SLC38A6: variants seen among roughly 807,000 people sequenced by gnomAD.
SLC38A6 encodes N system amino acid transporter NAT-1.
SLC38A6 carries 73 observed loss-of-function variants against 65.0 expected under a neutral mutation model. The ratio of observed to expected loss-of-function variants is 1.12; its 90% confidence interval spans 0.93 to 1.37. SLC38A6 has a LOEUF of 1.37. Among genes scored for constraint, SLC38A6 ranks in the 40% most tolerant of loss-of-function variants. The pLI is 0.00. For synonymous variants in SLC38A6, 183 were observed against 178.8 expected, an observed-to-expected ratio of 1.02 and a Z score of -0.19; for missense variants, 561 against 531.1, an observed-to-expected ratio of 1.06 and a Z score of -0.55.
chr14:61,037,033 C>A (rs1194854349), intron 6 of SLC38A6, 26 bp from the exon 7 acceptor site: 4 of 1,470,214 alleles, frequency 2.7e-6, no homozygotes, highest in Admixed American at 3.4e-5. Context: ...AGTCCCATGC[C>A]TAAAGTAGAA....
chr14:60,983,218 A>G (rs1414207076), intron 2 of SLC38A6, among the ~76,000 whole-genome samples: 1 of 152,210 alleles, frequency 6.6e-6, no homozygotes, highest in Non-Finnish European at 1.5e-5. Context: ...TTGGAAATTA[A>G]TGTTCCCACT....
chr14:61,004,335 C>CA (rs369150006), intron 3 of SLC38A6: 5 of 152,182 alleles, frequency 3.3e-5, no homozygotes, highest in African/African-American at 9.6e-5. Context: ...TGCTCACTGA[C>CA]AGAGAAACTG....
intron 6 of SLC38A6, among the ~76,000 whole-genome samples, chr14:61,032,961 T>C (rs1434235794): frequency 6.6e-6 from 1 of 151,986 alleles, no homozygotes; most frequent in Non-Finnish European, 1.5e-5. Context: ...TTTATAAAGA[T>C]ATCAGAATGA....
At position 61,052,377 on chromosome 14, in the gene SLC38A6, T is replaced by C; in HGVS notation, c.1319T>C (p.Leu440Ser). 6.3e-7 allele frequency: 1 copy of C among 1,595,660 alleles called. No homozygotes were observed. Among genetic ancestry groups the C allele is most frequent in the Non-Finnish European group, 8.5e-7 (1 of 1,172,930 alleles). ...GAFVLLIFGI[L>S]VGNFSLALII... ...TTCGTTTTGCTCATCTTTGGAATTTTGGTTGGGAATTTTAGTTTAGCACTC... is the reference window on the plus strand; with the variant it reads ...TTCGTTTTGCTCATCTTTGGAATTTCGGTTGGGAATTTTAGTTTAGCACTC... Residue 440 changes from leucine to serine, a missense_variant, in exon 16 of 16, where the codon TTG (leucine) becomes TCG (serine). Transcript: ENST00000267488.
At chr14:61,024,667 A>G (rs2040515634) in intron 5 of SLC38A6, among the ~76,000 whole-genome samples, 1 of 152,238 alleles carries the variant, frequency 6.6e-6, no homozygotes, top group African/African-American at 2.4e-5. Context: ...TAAGGTAAGT[A>G]GTTGGTTTCA....
intron 15 of SLC38A6, among the ~76,000 whole-genome samples, chr14:61,065,114 G>T (rs964123414): frequency 2.0e-5 from 3 of 151,366 alleles, no homozygotes; most frequent in Non-Finnish European, 4.4e-5. Flanking sequence ...TCTTTGGGGT[G>T]TGTGTGTGTG....
At chr14:61,061,404 T>C (rs1248898312) in intron 15 of SLC38A6, among the ~76,000 whole-genome samples, 3 of 152,202 alleles carry the variant, frequency 2.0e-5, no homozygotes, top group Admixed American at 2.0e-4. Flanking sequence ...TCTTTTTTTA[T>C]TGTGTCTCTG....
intron 12 of SLC38A6, among the ~76,000 whole-genome samples, chr14:61,048,469 G>A (rs1476442050): frequency 6.6e-6 from 1 of 152,152 alleles, no homozygotes; most frequent in Non-Finnish European, 1.5e-5. Context: ...GTAGAGATTT[G>A]TCTGAATCCA....
chr14:61,024,088 G>A (rs1300139763), intron 5 of SLC38A6, among the ~76,000 whole-genome samples: 4 of 152,126 alleles, frequency 2.6e-5, no homozygotes, highest in African/African-American at 9.7e-5. Context: ...TTTTAGGAAA[G>A]CGTCTACTGT....
intron 3 of SLC38A6, among the ~76,000 whole-genome samples, chr14:61,010,507 T>C (rs531718004): frequency 3.9e-5 from 6 of 152,368 alleles, no homozygotes; most frequent in Admixed American, 6.5e-5. Context: ...ATGGTTTTTA[T>C]GGTTTTAGGT....
At chr14:61,073,355 G>A (rs2043293278) in intron 15 of SLC38A6, among the ~76,000 whole-genome samples, 1 of 152,112 alleles carries the variant, frequency 6.6e-6, no homozygotes, top group South Asian at 2.1e-4. Context: ...AACCTACTGA[G>A]GAAGGTGGAG....
At chr14:61,067,873 C>G (rs771979892) in intron 15 of SLC38A6, among the ~76,000 whole-genome samples, 1 of 152,058 alleles carries the variant, frequency 6.6e-6, no homozygotes. Context: ...TCACCATTCC[C>G]GCTTTTGTGA....
chr14:61,070,589 T>A (rs1282806821), intron 15 of SLC38A6, among the ~76,000 whole-genome samples: 1 of 152,232 alleles, frequency 6.6e-6, no homozygotes, highest in Non-Finnish European at 1.5e-5. Flanking sequence ...GTGAGATTGC[T>A]GTATCATATG....
intron 3 of SLC38A6, among the ~76,000 whole-genome samples, chr14:61,008,778 A>G (rs888380699): frequency 1.3e-5 from 2 of 152,304 alleles, no homozygotes; most frequent in African/African-American, 4.8e-5. Context: ...TAAGAGTATT[A>G]TTTTTTGTGA....
At chr14:61,082,740 G>A (rs1469718694) in intron 16 of SLC38A6, among the ~76,000 whole-genome samples, 1 of 152,086 alleles carries the variant, frequency 6.6e-6, no homozygotes, top group Non-Finnish European at 1.5e-5. Context: ...GCCACATCCT[G>A]CTCATGACTG....
At chr14:61,038,290 T>C (rs1219821459) in intron 8 of SLC38A6, among the ~76,000 whole-genome samples, 1 of 151,914 alleles carries the variant, frequency 6.6e-6, no homozygotes, top group African/African-American at 2.4e-5. Context: ...TATTTTGATA[T>C]TATAAAATAA....
chr14:61,065,116 G>A (rs1421670223), intron 15 of SLC38A6, among the ~76,000 whole-genome samples: 1 of 152,144 alleles, frequency 6.6e-6, no homozygotes, highest in Non-Finnish European at 1.5e-5. Context: ...TTTGGGGTGT[G>A]TGTGTGTGTG....
At chr14:60,981,575 C>T (rs1255929663) in intron 1 of SLC38A6, 193 bp downstream of exon 1, 1 of 1,519,832 alleles carries the variant, frequency 6.6e-7, no homozygotes, top group Non-Finnish European at 8.8e-7. Context: ...TGATAGCAGC[C>T]TAGCATACTC....
At chr14:61,050,179 C>G (rs1566710089) in intron 12 of SLC38A6, among the ~76,000 whole-genome samples, 3 of 152,112 alleles carry the variant, frequency 2.0e-5, no homozygotes, top group Non-Finnish European at 2.9e-5. Flanking sequence ...GGACTAAATT[C>G]AACAACACGT....
Sources: allele counts gnomAD v4.1 joint callset (sites outside exome capture counted in the v4.1 genomes callset), GRCh38; gene constraint gnomAD v4.1.1; transcripts MANE v1.5; gene names NCBI Gene and HGNC (gene_info 2026-07-23, HGNC 2026-07-21).